The following SSR1 variants were observed in gnomAD, a reference collection of about 807,000 sequenced individuals.
SSR1 encodes translocon-associated protein subunit alpha.
In SSR1, 13 loss-of-function variants were observed where a neutral mutation model predicts 36.1. The ratio of observed to expected loss-of-function variants is 0.36; its 90% CI spans 0.23 to 0.57. The LOEUF (loss-of-function observed/expected upper bound fraction) is 0.57, where lower values mean the gene tolerates loss of function less well. Ranked by LOEUF, SSR1 falls within the 20% of genes least tolerant of loss-of-function variation. SSR1 has a pLI of 0.81. For synonymous variants in SSR1, 113 were observed against 118.9 expected, an observed-to-expected ratio of 0.95 and a Z score of 0.32; for missense variants, 291 against 338.5, an observed-to-expected ratio of 0.86 and a Z score of 1.10.
intron 4 of SSR1, among the ~76,000 whole-genome samples, chr6:7,299,319 A>G (rs1331560398): frequency 6.6e-6 from 1 of 152,240 alleles, no homozygotes; most frequent in African/African-American, 2.4e-5. Context: ...CAATCCTTCA[A>G]AACAAGGAAG....
Position 7,309,975 on chromosome 6 carries a change from G to A in SSR1, c.134C>T (p.Ser45Phe), listed in dbSNP as rs1475934638. 3.1e-6 allele frequency: 5 copies of A among 1,613,720 alleles called. No homozygotes were observed. Among genetic ancestry groups the A allele is most frequent in the Admixed American group, 1.7e-5 (1 of 59,966 alleles). The change falls in exon 2 of 8, where the codon TCC becomes TTC. Residue 45 changes from serine (S) to phenylalanine (F), a missense_variant. Transcript: ENST00000244763. ...TTCATCATCTTCATCCTCAATTATGGAATCTTCTACTGTTTCTTCATCCTC... is the reference window on the plus strand; with the variant it reads ...TTCATCATCTTCATCCTCAATTATGAAATCTTCTACTGTTTCTTCATCCTC... ...LTEDEETVED[S>F]IIEDEDDEAE...
chr6:7,302,685 C>T (rs1233333757), intron 3 of SSR1, among the ~76,000 whole-genome samples: 1 of 152,070 alleles, frequency 6.6e-6, no homozygotes, highest in Non-Finnish European at 1.5e-5. Flanking sequence ...TCACTTGAAC[C>T]TGGGAGGCAG....
chr6:7,304,129 T>C lies in SSR1; in HGVS notation c.193-492A>G, dbSNP rs542024345. Among the ~76,000 whole-genome samples, 4 of 152,354 alleles carry C rather than the reference T, an allele frequency of 2.6e-5. No homozygotes were observed. The South Asian group carries it at 8.3e-4, about 32-fold the overall frequency. On this transcript the variant is annotated intron_variant, in intron 2 of 7. Transcript: ENST00000244763. ...TGTGCCTACCAATTCTTTGGGGATG[T>C]TGCAGATCTAATTCAGGTCTAGGGC...
At chr6:7,291,266 TAC>T (rs1208501540) in intron 7 of SSR1, among the ~76,000 whole-genome samples, 1 of 151,966 alleles carries the variant, frequency 6.6e-6, no homozygotes, top group Non-Finnish European at 1.5e-5. Flanking sequence ...GGTGTGGCAG[TAC>T]ACGCCTGTGA....
Position 7,288,563 on chromosome 6 carries a change from AG to A in SSR1, c.*1300del, listed in dbSNP as rs1183681663. On this transcript the variant is annotated 3_prime_UTR_variant, in exon 8 of 8. Coordinates refer to ENST00000244763, the MANE Select transcript of SSR1 (RefSeq NM_003144.5). ...TACTGAAAAGGAGAATGAAGAGGTCAGGAATTAAAGAGCCACTAAAATTTGA... is the reference window on the plus strand; with the variant it reads ...TACTGAAAAGGAGAATGAAGAGGTCAGAATTAAAGAGCCACTAAAATTTGA... 3 of 152,660 alleles carry A rather than the reference AG, an allele frequency of 2.0e-5. No homozygotes were observed. The highest frequency in any genetic ancestry group is 7.2e-5 in the African/African-American group (3 of 41,464). The allele number at this position is 152,660 out of a possible 1,614,324, so 9.5% of individuals were successfully genotyped here.
chr6:7,301,312 T>G lies in SSR1; in HGVS notation c.541A>C (p.Asn181His), dbSNP rs771523946. Residue 181 changes from asparagine (N) to histidine (H), a missense_variant and splice_region_variant, in exon 4 of 8, where the codon AAC becomes CAC. Asn to His is a moderately conservative substitution (Grantham distance 68). Transcript: ENST00000244763. ...AAAGAAGGTTTAGAGGATCTTACGTTCAAATCTTTGTAGTTCAGATTGATG... is the reference window on the plus strand; with the variant it reads ...AAAGAAGGTTTAGAGGATCTTACGTGCAAATCTTTGTAGTTCAGATTGATG... ...LVINLNYKDLNGNVFQDAVFN... is the reference protein window; with the variant it reads ...LVINLNYKDLHGNVFQDAVFN... 1.4e-5 allele frequency: 23 copies of G among 1,613,372 alleles called. No individual in the cohort carries two copies. Among genetic ancestry groups the G allele is most frequent in the Admixed American group, 1.7e-5 (1 of 59,822 alleles).
At chr6:7,307,467 G>A (rs1027137688) in intron 2 of SSR1, among the ~76,000 whole-genome samples, 33 of 152,168 alleles carry the variant, frequency 2.2e-4, no homozygotes, top group Middle Eastern at 3.2e-3. Flanking sequence ...ATTAAGATAT[G>A]GAAAAGTTCT....
At position 7,299,869 on chromosome 6, in the gene SSR1, A is replaced by G. The variant is rs539164759; in HGVS notation, c.544-1046T>C. On this transcript the variant is annotated intron_variant, in intron 4 of 7. Transcript: ENST00000244763. ...ATACACAGCTATTCTTCACAAAGGT[A>G]GTACATTGTCAAAACTGTCACTTAT... Among the ~76,000 whole-genome samples the G allele has an allele frequency of 2.6e-5, 4 of 152,310 alleles. No homozygotes were observed. In the South Asian group the frequency reaches 8.3e-4, roughly 32 times the overall value.
chr6:7,293,757 C>A (rs1757733443), intron 7 of SSR1, among the ~76,000 whole-genome samples: 1 of 152,050 alleles, frequency 6.6e-6, no homozygotes, highest in African/African-American at 2.4e-5. Flanking sequence ...GATGTGGAAC[C>A]CACCAATATA....
chr6:7,306,884 T>C (rs899128528), intron 2 of SSR1, among the ~76,000 whole-genome samples: 16 of 124,566 alleles, frequency 1.3e-4, no homozygotes, highest in South Asian at 2.9e-4. Flanking sequence ...GCCACTGCAC[T>C]CCAGCCTGGG....
Position 7,295,711 on chromosome 6 carries a change from A to C in SSR1, c.700-226T>G, listed in dbSNP as rs112366675. On this transcript the variant is annotated intron_variant, in intron 6 of 7. Coordinates refer to ENST00000244763, the MANE Select transcript of SSR1 (RefSeq NM_003144.5). ...AAACACCTATCAAATTACTTAATTT[A>C]AATATCTTGGTAAACAAGTTATATT... is the stretch of plus-strand genomic sequence containing the variant. 3.7e-3 allele frequency among the ~76,000 whole-genome samples: 569 copies of C among 152,338 alleles called. 7 individuals are homozygous for C. Among genetic ancestry groups the C allele is most frequent in the African/African-American group, 0.013 (550 of 41,584 alleles).
chr6:7,292,899 A>G (rs1757713983), intron 7 of SSR1, among the ~76,000 whole-genome samples: 1 of 126,328 alleles, frequency 7.9e-6, no homozygotes, highest in Admixed American at 8.7e-5. Flanking sequence ...TATGACAGCT[A>G]GCTCACAGAA....
chr6:7,302,156 CAT>C (rs1293079759), intron 3 of SSR1, among the ~76,000 whole-genome samples: 2 of 152,184 alleles, frequency 1.3e-5, no homozygotes, highest in African/African-American at 4.8e-5. Flanking sequence ...TTCAAAAGCA[CAT>C]GAGAATAAAA....
chr6:7,297,909 T>C lies in SSR1; in HGVS notation c.699+14A>G, dbSNP rs1359541089. The C allele has an allele frequency of 1.2e-6, 2 of 1,607,138 alleles. No individual in the cohort carries two copies. The highest frequency in any genetic ancestry group is 2.2e-5 in the South Asian group (2 of 90,784). On this transcript the variant is annotated intron_variant, in intron 6 of 7. Coordinates refer to ENST00000244763, the MANE Select transcript of SSR1 (RefSeq NM_003144.5). Reference sequence around the variant, plus strand: ...TTTGAAACACGGCTGTAAGAGGTGTTCATCCATAATTACCTTTCTAGATTC... The same window carrying C: ...TTTGAAACACGGCTGTAAGAGGTGTCCATCCATAATTACCTTTCTAGATTC...
intron 6 of SSR1, 76 bp from the exon 7 acceptor site, chr6:7,295,561 G>T (rs1043301105): frequency 8.8e-7 from 1 of 1,131,832 alleles, no homozygotes; most frequent in Admixed American, 3.0e-5. Context: ...AAAGAGTTGA[G>T]GTCTTGCTAT....
At chr6:7,306,785 G>T (rs193087811) in intron 2 of SSR1, among the ~76,000 whole-genome samples, 2 of 151,658 alleles carry the variant, frequency 1.3e-5, no homozygotes, top group South Asian at 2.1e-4. Context: ...GTGTGGTGGC[G>T]GGCGCCTATA....
Position 7,283,321 on chromosome 6 carries a change from A to G in SSR1, c.*6543T>C, listed in dbSNP as rs558334191. ...GAGTGCAGTGGCACGATCTCAGCTC[A>G]CCACAATCTCCACCTCCCAGGTTTA... is the stretch of plus-strand genomic sequence containing the variant. On this transcript the variant is annotated 3_prime_UTR_variant, in exon 8 of 8. Transcript: ENST00000244763. The G allele has an allele frequency of 3.3e-5, 5 of 152,344 alleles. No individual in the cohort carries two copies. In the East Asian group the frequency reaches 9.7e-4, roughly 29 times the overall value. The allele number at this position is 152,344 out of a possible 1,614,324, so 9.4% of individuals were successfully genotyped here.
At chr6:7,298,505 G>A (rs1757851850) in intron 5 of SSR1, 2 of 445,270 alleles carry the variant, frequency 4.5e-6, no homozygotes, top group African/African-American at 4.0e-5. Context: ...TAGATGAGAG[G>A]AAGGACAGAA....
At chr6:7,309,874 A>G (rs1360144470) in intron 2 of SSR1, 43 bp downstream of exon 2, 1 of 1,400,888 alleles carries the variant, frequency 7.1e-7, no homozygotes, top group African/African-American at 1.4e-5. Context: ...GATGAATACA[A>G]TTACATACAT....
Sources: allele counts gnomAD v4.1 joint callset (sites outside exome capture counted in the v4.1 genomes callset), GRCh38; gene constraint gnomAD v4.1.1; transcripts MANE v1.5; gene names NCBI Gene and HGNC (gene_info 2026-07-23, HGNC 2026-07-21).